Variants in ZNF565 observed in about 807,000 individuals in gnomAD.
The protein encoded by ZNF565 is zinc finger protein 565.
In ZNF565, 27 loss-of-function variants were observed where a neutral mutation model predicts 39.4. The observed-to-expected ratio is 0.69, with a 90% CI of 0.51 to 0.95. The LOEUF (loss-of-function observed/expected upper bound fraction) is 0.95, where lower values mean the gene tolerates loss of function less well. Ranked by LOEUF, ZNF565 falls within the 40% of genes least tolerant of loss-of-function variation. ZNF565 has a pLI of 0.00. For missense variants in ZNF565, 524 were observed against 621.1 expected, an observed-to-expected ratio of 0.84 and a Z score of 1.66; for synonymous variants, 185 against 216.6, an observed-to-expected ratio of 0.85 and a Z score of 1.28.
intron 4 of ZNF565, among the ~76,000 whole-genome samples, chr19:36,188,837 C>T (rs1975418779): frequency 6.6e-6 from 1 of 151,810 alleles, no homozygotes; most frequent in South Asian, 2.1e-4. Flanking sequence ...TACACACATA[C>T]AATGGAATAT....
chr19:36,245,325 C>A lies in ZNF565; in HGVS notation c.55+151G>T. 4.6e-6 allele frequency: 3 copies of A among 645,448 alleles called. No homozygotes were observed. The highest frequency in any genetic ancestry group is 8.4e-6 in the Non-Finnish European group (3 of 357,650). The allele number at this position is 645,448 out of a possible 1,614,324, so 40.0% of individuals were successfully genotyped here. A position where few individuals can be genotyped will look rare whatever the true frequency, so the allele number is the denominator to read the frequency against. The stretch of plus-strand genomic sequence containing the variant: ...TGTATGACCCCAGCTCAGTTCTAAG[C>A]CGAGGGGCTGCTGCCGGACATTCTA... On this transcript the variant is annotated intron_variant, in intron 1 of 4. Transcript: ENST00000355114. The surrounding 1 kb of genome is among the most constrained non-coding windows in gnomAD (Gnocchi z 4.4).
intron 1 of ZNF565, among the ~76,000 whole-genome samples, chr19:36,232,615 T>TC (rs1011062496): frequency 4.0e-4 from 60 of 151,296 alleles, no homozygotes; most frequent in African/African-American, 1.4e-3. Context: ...TTTTCTTTTT[T>TC]TTTTTTTTCC....
chr19:36,221,030 T>C (rs987701125), intron 1 of ZNF565, among the ~76,000 whole-genome samples: 11 of 151,752 alleles, frequency 7.2e-5, no homozygotes, highest in African/African-American at 2.7e-4. Context: ...TTTTTGTATT[T>C]CTAGTAGAGA....
intron 4 of ZNF565, among the ~76,000 whole-genome samples, chr19:36,189,128 T>C (rs1262161871): frequency 1.3e-5 from 2 of 151,346 alleles, no homozygotes; most frequent in Admixed American, 1.3e-4. Flanking sequence ...TAAATGCCAC[T>C]GAATTATCTA....
At chr19:36,237,616 T>G (rs1165204058) in intron 1 of ZNF565, 1 of 253,892 alleles carries the variant, frequency 3.9e-6, no homozygotes, top group Non-Finnish European at 8.1e-6. Context: ...ACCATAGATC[T>G]GGAGATCTTC....
intron 1 of ZNF565, among the ~76,000 whole-genome samples, chr19:36,220,490 G>C (rs933357583): frequency 6.6e-6 from 1 of 151,898 alleles, no homozygotes; most frequent in Admixed American, 6.6e-5. Context: ...TCAGCCTCCC[G>C]AGTAGCTGGG....
upstream of ZNF565, among the ~76,000 whole-genome samples, chr19:36,216,961 A>C (rs996144207): frequency 2.7e-5 from 4 of 146,318 alleles, no homozygotes; most frequent in Non-Finnish European, 6.0e-5. Flanking sequence ...TGGGAGGCTG[A>C]GGTGGGAGGA....
intron 2 of ZNF565, among the ~76,000 whole-genome samples, chr19:36,196,081 T>C (rs138059943): frequency 0.045 from 6,848 of 151,820 alleles, 225 homozygotes; most frequent in Non-Finnish European, 0.066. Context: ...GGATTACAGG[T>C]GTGCGCCGCC....
chr19:36,242,334 G>T (rs944417500), intron 1 of ZNF565, among the ~76,000 whole-genome samples: 5 of 151,746 alleles, frequency 3.3e-5, no homozygotes, highest in Non-Finnish European at 7.4e-5. Flanking sequence ...GACTGAACAC[G>T]GGAGGTGGAG....
upstream of ZNF565, among the ~76,000 whole-genome samples, chr19:36,216,964 TG>T (rs200854497): frequency 0.011 from 1,650 of 147,604 alleles, 19 homozygotes; most frequent in South Asian, 0.027. Context: ...GAGGCTGAGG[TG>T]GGAGGATCAC....
chr19:36,206,351 G>A (rs1976153109), intron 1 of ZNF565, among the ~76,000 whole-genome samples: 1 of 151,954 alleles, frequency 6.6e-6, no homozygotes, highest in African/African-American at 2.4e-5. Flanking sequence ...GCTCACTCCT[G>A]TCATCTCAGC....
intron 1 of ZNF565, among the ~76,000 whole-genome samples, chr19:36,208,650 A>C (rs1217380032): frequency 1.3e-5 from 2 of 152,100 alleles, no homozygotes; most frequent in East Asian, 3.9e-4. Context: ...TCTGCAATTC[A>C]CAGACATTCT....
intron 1 of ZNF565, among the ~76,000 whole-genome samples, chr19:36,208,605 A>C (rs1246668180): frequency 6.6e-6 from 1 of 152,092 alleles, no homozygotes; most frequent in Non-Finnish European, 1.5e-5. Flanking sequence ...ACCACCTAGT[A>C]AAACTTGAAG....
rs1038468380 is a variant in ZNF565 at position 36,209,946 on chromosome 19, A to G, written c.-66+4676T>C. Among the ~76,000 whole-genome samples, 7 of 152,014 alleles carry G rather than the reference A, an allele frequency of 4.6e-5. No individual in the cohort carries two copies. The East Asian group carries it at 5.8e-4, about 13-fold the overall frequency. ...TGGTTAATGTGAGCCACATTTTTCA[A>G]TGTCAAAGAAAGGAGTTACAAAAAG... is the stretch of plus-strand genomic sequence containing the variant. On this transcript the variant is annotated intron_variant, in intron 1 of 4. Coordinates refer to ENST00000304116, the MANE Select transcript of ZNF565 (RefSeq NM_152477.5).
chr19:36,190,803 C>A (rs1975505581), intron 4 of ZNF565, among the ~76,000 whole-genome samples: 1 of 151,626 alleles, frequency 6.6e-6, no homozygotes, highest in East Asian at 1.9e-4. Context: ...ACCAGCCTGG[C>A]CAACATGGCG....
chr19:36,188,174 G>A (rs1337319489), intron 4 of ZNF565, among the ~76,000 whole-genome samples: 2 of 150,888 alleles, frequency 1.3e-5, no homozygotes, highest in Admixed American at 1.3e-4. Flanking sequence ...GGCTAACACG[G>A]TGAAACCCGT....
chr19:36,184,150 T>C (rs1975205672), intron 4 of ZNF565, among the ~76,000 whole-genome samples: 1 of 146,480 alleles, frequency 6.8e-6, no homozygotes, highest in Non-Finnish European at 1.5e-5. Context: ...AAAAAGTGAA[T>C]GCCTTATATA....
chr19:36,204,438 AGAATGATTTG>A (rs1296835503), intron 1 of ZNF565, among the ~76,000 whole-genome samples: 2 of 152,190 alleles, frequency 1.3e-5, no homozygotes, highest in African/African-American at 4.8e-5. Flanking sequence ...TGGGAGACTA[AGAATGATTTG>A]GAATGAGTTG....
chr19:36,187,400 C>T (rs539790278), intron 4 of ZNF565, among the ~76,000 whole-genome samples: 9 of 150,354 alleles, frequency 6.0e-5, no homozygotes, highest in African/African-American at 1.5e-4. Flanking sequence ...CTCGCTCTGT[C>T]GCCCAGGCTG....
Sources: allele counts gnomAD v4.1 joint callset (sites outside exome capture counted in the v4.1 genomes callset), GRCh38; gene constraint gnomAD v4.1.1; non-coding constraint Gnocchi (gnomAD v3.1); transcripts MANE v1.5; gene names NCBI Gene and HGNC (gene_info 2026-07-23, HGNC 2026-07-21).